The following CTIF variants were observed in gnomAD, a reference collection of about 807,000 sequenced individuals.
The protein encoded by CTIF is cap binding complex dependent translation initiation factor.
A neutral mutation model predicts 66.0 loss-of-function variants in CTIF; 21 were observed. That is an observed-to-expected ratio of 0.32 (90% CI 0.23 to 0.46). CTIF has a LOEUF of 0.46. Ranked by LOEUF, CTIF falls within the 20% of genes least tolerant of loss-of-function variation. CTIF has a pLI of 1.00. For missense variants in CTIF, 739 were observed against 812.7 expected (o/e 0.91, Z 1.10); for synonymous variants, 345 against 326.4 (o/e 1.06, Z -0.62).
chr18:48,760,103 G>GA (rs1267068789), intron 8 of CTIF: 2 of 152,070 alleles, frequency 1.3e-5, no homozygotes, highest in African/African-American at 4.8e-5. Flanking sequence ...CAGGGACTCA[G>GA]AGTAGCCTTC....
intron 9 of CTIF, among the ~76,000 whole-genome samples, chr18:48,802,234 C>A (rs1359876872): frequency 6.6e-6 from 1 of 152,214 alleles, no homozygotes; most frequent in Non-Finnish European, 1.5e-5. Flanking sequence ...TGAGCACAGC[C>A]CCACTCTGTT....
chr18:48,817,468 G>A, intron 10 of CTIF, 92 bp downstream of exon 10: 1 of 1,466,590 alleles, frequency 6.8e-7, no homozygotes, highest in Non-Finnish European at 9.2e-7. Flanking sequence ...TGTGAGGGTA[G>A]GCTCACTTAG....
chr18:48,818,564 G>A (rs992791758), intron 10 of CTIF, among the ~76,000 whole-genome samples: 2 of 152,190 alleles, frequency 1.3e-5, no homozygotes, highest in Admixed American at 6.5e-5. Flanking sequence ...CATGGAGGTA[G>A]GGGATAGAGG....
chr18:48,853,895 A>C (rs1255161616), intron 10 of CTIF, among the ~76,000 whole-genome samples: 1 of 152,230 alleles, frequency 6.6e-6, no homozygotes, highest in Non-Finnish European at 1.5e-5. Context: ...TTGGCTGGGC[A>C]TGATTTTGCC....
intron 2 of CTIF, among the ~76,000 whole-genome samples, chr18:48,629,832 A>G (rs2144551912): frequency 6.6e-6 from 1 of 152,210 alleles, no homozygotes; most frequent in African/African-American, 2.4e-5. Flanking sequence ...CTAATTAGAG[A>G]AGGTAAGAGT....
chr18:48,652,497 C>G (rs1411666781), intron 3 of CTIF, among the ~76,000 whole-genome samples: 3 of 152,126 alleles, frequency 2.0e-5, no homozygotes, highest in Non-Finnish European at 4.4e-5. Context: ...AATGAATAGC[C>G]TACCAACCAA....
At chr18:48,833,156 C>T (rs1204819088) in intron 10 of CTIF, among the ~76,000 whole-genome samples, 1 of 152,206 alleles carries the variant, frequency 6.6e-6, no homozygotes, top group African/African-American at 2.4e-5. Context: ...GGTGGCTTGC[C>T]TGGCTGGAGT....
At chr18:48,777,153 G>A (rs950032776) in intron 9 of CTIF, among the ~76,000 whole-genome samples, 16 of 152,182 alleles carry the variant, frequency 1.1e-4, no homozygotes, top group Admixed American at 7.9e-4. Flanking sequence ...GGGTCTGGCC[G>A]GCTCCTTCCC....
intron 1 of CTIF, among the ~76,000 whole-genome samples, chr18:48,590,048 G>A (rs2089856284): frequency 6.6e-6 from 1 of 152,208 alleles, no homozygotes; most frequent in South Asian, 2.1e-4. Context: ...GTTCATTGTT[G>A]CTCTGGCCCT....
chr18:48,803,236 T>C (rs941518938), intron 9 of CTIF, among the ~76,000 whole-genome samples: 5 of 152,228 alleles, frequency 3.3e-5, no homozygotes, highest in African/African-American at 1.2e-4. Context: ...CTGATGGCTG[T>C]TCCCAGCCAC....
chr18:48,732,376 G>A (rs997163127), intron 7 of CTIF, among the ~76,000 whole-genome samples: 8 of 152,110 alleles, frequency 5.3e-5, no homozygotes, highest in Non-Finnish European at 8.8e-5. Context: ...AGGCAACCCC[G>A]AGAAGGCAGA....
At chr18:48,662,945 T>C (rs1199383047) in intron 3 of CTIF, among the ~76,000 whole-genome samples, 1 of 152,210 alleles carries the variant, frequency 6.6e-6, no homozygotes, top group Non-Finnish European at 1.5e-5. Context: ...GGAGCTGTAA[T>C]GGCGGATGCT....
In CTIF at chr18:48,757,904, C is replaced by T. The variant is rs150490140; in HGVS notation, c.585-15C>T. ...CCAGTGATCGCCTTCTCTGTCTTTC[C>T]TCTTCCGTTTGCAGGCGGCAGCAGA... On this transcript the variant is annotated splice_polypyrimidine_tract_variant and intron_variant, in intron 7 of 11. Coordinates refer to ENST00000256413, the MANE Select transcript of CTIF (RefSeq NM_014772.3). 13 of 1,604,168 alleles carry T rather than the reference C, an allele frequency of 8.1e-6. No homozygotes were observed. In the East Asian group the frequency reaches 2.7e-4, roughly 33 times the overall value.
intron 1 of CTIF, chr18:48,539,925 C>T (rs1314270455): frequency 6.6e-6 from 1 of 152,252 alleles, no homozygotes; most frequent in Non-Finnish European, 1.5e-5. Flanking sequence ...CCACGCCGCC[C>T]CTCCCTTCCC....
chr18:48,544,192 A>T lies in CTIF; in HGVS notation c.-29+4880A>T, dbSNP rs114066481. 1.4e-4 allele frequency among the ~76,000 whole-genome samples: 21 copies of T among 152,358 alleles called. No homozygotes were observed. In the South Asian group the frequency reaches 4.4e-3, roughly 32 times the overall value. ...AAAGGTTGGATAGTGGTTGGTTGAC[A>T]CTGGGGCTACTTTAATACGCTGCAC... On this transcript the variant is annotated intron_variant, in intron 1 of 11. Coordinates refer to ENST00000256413, the MANE Select transcript of CTIF (RefSeq NM_014772.3).
At chr18:48,600,647 A>G (rs2090073763) in intron 1 of CTIF, among the ~76,000 whole-genome samples, 1 of 151,186 alleles carries the variant, frequency 6.6e-6, no homozygotes, top group South Asian at 2.1e-4. Context: ...CTGAAGGGAT[A>G]TTTCTTCTGA....
At chr18:48,685,972 C>T (rs1274073442) in intron 6 of CTIF, among the ~76,000 whole-genome samples, 5 of 152,170 alleles carry the variant, frequency 3.3e-5, no homozygotes, top group African/African-American at 4.8e-5. Context: ...CCACTGTGCC[C>T]CGGCCCCAAG....
intron 1 of CTIF, among the ~76,000 whole-genome samples, chr18:48,552,119 G>T (rs552763190): frequency 6.6e-6 from 1 of 152,182 alleles, no homozygotes; most frequent in Non-Finnish European, 1.5e-5. Flanking sequence ...AACTTTCAAA[G>T]CCTAACAGTT....
chr18:48,614,092 A>G (rs1006854911), intron 1 of CTIF, among the ~76,000 whole-genome samples: 7 of 151,620 alleles, frequency 4.6e-5, no homozygotes, highest in African/African-American at 1.7e-4. Context: ...TCCTTTCTTG[A>G]CTTTCACTGA....
Sources: allele counts gnomAD v4.1 joint callset (sites outside exome capture counted in the v4.1 genomes callset), GRCh38; gene constraint gnomAD v4.1.1; transcripts MANE v1.5; gene names NCBI Gene and HGNC (gene_info 2026-07-23, HGNC 2026-07-21).